ATP2B2: variants seen among roughly 807,000 people sequenced by gnomAD.
ATP2B2 encodes the protein plasma membrane calcium-transporting ATPase 2.
Under a neutral mutation model 120.0 loss-of-function variants are expected in ATP2B2, and 15 were observed. The observed-to-expected ratio is 0.12, with a 90% CI of 0.08 to 0.19. The LOEUF is 0.19. ATP2B2 is among the 10% of genes least tolerant of loss of function. The pLI is 1.00. For missense variants in ATP2B2, 1,045 were observed against 1,719.8 expected (o/e 0.61, Z 6.94); for synonymous variants, 694 against 700.3 (o/e 0.99, Z 0.14).
At chr3:10,350,363 G>A (rs752242986) in intron 15 of ATP2B2, 35 bp downstream of exon 15, 13 of 1,613,814 alleles carry the variant, frequency 8.1e-6, no homozygotes, top group Admixed American at 5.0e-5. Context: ...ATCTGAGCGC[G>A]TTCCCCTGAG....
At chr3:10,508,982 T>C (rs2066705568), upstream of ATP2B2, among the ~76,000 whole-genome samples, 1 of 152,106 alleles carries the variant, frequency 6.6e-6, no homozygotes, top group Admixed American at 6.5e-5. Context: ...GCCAATCTGA[T>C]TTTTACTCTG....
At chr3:10,562,628 A>T (rs1427202068) in intron 2 of ATP2B2, among the ~76,000 whole-genome samples, 3 of 152,146 alleles carry the variant, frequency 2.0e-5, no homozygotes, top group Non-Finnish European at 4.4e-5. Flanking sequence ...CTGCCCAAAC[A>T]GTCTTTTTCC....
chr3:10,658,092 T>C (rs1343028849), intron 1 of ATP2B2, among the ~76,000 whole-genome samples: 1 of 152,168 alleles, frequency 6.6e-6, no homozygotes, highest in Non-Finnish European at 1.5e-5. Flanking sequence ...CAAAACCCCA[T>C]CTGTACGTCA....
At chr3:10,579,841 A>AAAACC (rs2068344821) in intron 2 of ATP2B2, among the ~76,000 whole-genome samples, 1 of 151,546 alleles carries the variant, frequency 6.6e-6, no homozygotes, top group African/African-American at 2.4e-5. Flanking sequence ...AAAACAAAAC[A>AAAACC]AAACAAAGAA....
intron 14 of ATP2B2, among the ~76,000 whole-genome samples, chr3:10,353,338 T>TGG (rs776087660): frequency 1.3e-5 from 2 of 152,114 alleles, no homozygotes; most frequent in Non-Finnish European, 2.9e-5. Flanking sequence ...GAGGACTTCC[T>TGG]GGGGGAGGGG....
intron 1 of ATP2B2, among the ~76,000 whole-genome samples, chr3:10,471,709 A>C (rs2065010704): frequency 6.6e-6 from 1 of 152,206 alleles, no homozygotes; most frequent in Non-Finnish European, 1.5e-5. Flanking sequence ...TGATCATGCC[A>C]CATTGTGTGT....
upstream of ATP2B2, among the ~76,000 whole-genome samples, chr3:10,509,704 C>T (rs953821539): frequency 5.3e-5 from 8 of 152,192 alleles, no homozygotes; most frequent in Non-Finnish European, 8.8e-5. Context: ...GGGGACCACA[C>T]GGGCTGGCTT....
At chr3:10,510,867 C>T (rs1402299744) in intron 3 of ATP2B2, among the ~76,000 whole-genome samples, 9 of 152,342 alleles carry the variant, frequency 5.9e-5, no homozygotes, top group South Asian at 4.1e-4. Flanking sequence ...TGCCCACTCC[C>T]GCCCATCAAT....
chr3:10,503,095 G>C (rs1337413987), intron 1 of ATP2B2, among the ~76,000 whole-genome samples: 1 of 152,244 alleles, frequency 6.6e-6, no homozygotes, highest in African/African-American at 2.4e-5. Flanking sequence ...CTGCGCCTGA[G>C]CTGGGGGAAC....
intron 2 of ATP2B2, among the ~76,000 whole-genome samples, chr3:10,588,126 C>T (rs2068556748): frequency 1.3e-5 from 2 of 152,190 alleles, no homozygotes; most frequent in Non-Finnish European, 2.9e-5. Flanking sequence ...CACCGTATTT[C>T]AGGTGCTGTG....
At chr3:10,531,771 G>T (rs889970335) in intron 3 of ATP2B2, among the ~76,000 whole-genome samples, 1 of 152,132 alleles carries the variant, frequency 6.6e-6, no homozygotes, top group East Asian at 1.9e-4. Context: ...GGGGCTCATC[G>T]CAATGCCTGG....
At chr3:10,551,840 AG>A (rs1372568165) in intron 2 of ATP2B2, among the ~76,000 whole-genome samples, 2 of 152,208 alleles carry the variant, frequency 1.3e-5, no homozygotes, top group African/African-American at 2.4e-5. Flanking sequence ...TCTGTTGAAA[AG>A]GGGACTCTAG....
At chr3:10,439,237 T>C (rs1193318434) in intron 2 of ATP2B2, among the ~76,000 whole-genome samples, 2 of 152,214 alleles carry the variant, frequency 1.3e-5, no homozygotes, top group African/African-American at 4.8e-5. Flanking sequence ...TTCACAGTAG[T>C]AGAATGTCTG....
intron 1 of ATP2B2, among the ~76,000 whole-genome samples, chr3:10,452,342 G>T (rs2064087901): frequency 6.6e-6 from 1 of 152,224 alleles, no homozygotes; most frequent in Admixed American, 6.5e-5. Flanking sequence ...CTAGTGCAGA[G>T]CCTCAATACG....
chr3:10,695,123 T>G (rs1334570770), intron 1 of ATP2B2, among the ~76,000 whole-genome samples: 1 of 151,936 alleles, frequency 6.6e-6, no homozygotes, highest in African/African-American at 2.4e-5. Context: ...ACTGGGCAAT[T>G]TACTGAAGAA....
intron 5 of ATP2B2, chr3:10,394,607 G>T (rs1221968791): frequency 2.2e-6 from 1 of 448,716 alleles, no homozygotes; most frequent in Admixed American, 2.4e-5. Flanking sequence ...TGTCGTCCTA[G>T]GCTCCCTGGA....
chr3:10,664,963 C>G (rs763752974), intron 1 of ATP2B2, among the ~76,000 whole-genome samples: 9 of 152,160 alleles, frequency 5.9e-5, no homozygotes, highest in Non-Finnish European at 1.2e-4. Context: ...AAGGTGCTCT[C>G]AGACCCAGCT....
chr3:10,398,806 T>G (rs1317978832), intron 5 of ATP2B2, among the ~76,000 whole-genome samples: 2 of 152,200 alleles, frequency 1.3e-5, no homozygotes, highest in Admixed American at 1.3e-4. Flanking sequence ...TCTCCCCTTA[T>G]GCTTCTTGTC....
At chr3:10,336,557 G>A (rs2060123220) in intron 22 of ATP2B2, among the ~76,000 whole-genome samples, 1 of 152,206 alleles carries the variant, frequency 6.6e-6, no homozygotes, top group Non-Finnish European at 1.5e-5. Context: ...TCAGGGGCCA[G>A]TGGGCTGGCC....
Sources: gnomAD v4.1 joint callset for allele counts (sites outside exome capture counted in the v4.1 genomes callset) on GRCh38, gnomAD v4.1.1 for gene constraint, MANE v1.5 for transcripts, NCBI Gene and HGNC (gene_info 2026-07-23, HGNC 2026-07-21) for gene names.